POLA1: variants seen among roughly 807,000 people sequenced by gnomAD.
POLA1 encodes the protein DNA polymerase alpha catalytic subunit.
POLA1 carries 15 observed loss-of-function variants against 124.0 expected under a neutral mutation model. That is an observed-to-expected ratio of 0.12 (90% confidence interval 0.08 to 0.19). POLA1 has a LOEUF of 0.19. Ranked by LOEUF, POLA1 falls within the 10% of genes least tolerant of loss-of-function variation. The probability of loss-of-function intolerance (pLI) is 1.00; values close to 1 mark genes in which losing one functional copy is unlikely to be tolerated. For missense variants in POLA1, 886 were observed against 1,103.4 expected (o/e 0.80, Z 2.79); for synonymous variants, 408 against 389.4 (o/e 1.05, Z -0.56).
intron 18 of POLA1, 25 bp downstream of exon 18, chrX:24,735,513 T>TG: frequency 1.1e-6 from 1 of 889,547 alleles, no homozygotes; most frequent in Non-Finnish European, 1.7e-6. Context: ...GATCATGTTG[T>TG]GGGGAAGCTC....
chrX:24,888,909 G>A (rs1036309945), intron 35 of POLA1, among the ~76,000 whole-genome samples: 10 of 104,616 alleles, frequency 9.6e-5, no homozygotes, highest in African/African-American at 2.1e-4. Context: ...TAGCTCTGTC[G>A]CCCAGGCTGG....
At chrX:24,850,700 G>C (rs943329008) in intron 34 of POLA1, among the ~76,000 whole-genome samples, 22 of 111,475 alleles carry the variant, frequency 2.0e-4, no homozygotes, top group African/African-American at 6.5e-4. Context: ...TCTGAGCTTG[G>C]GCCGTAGTCT....
chrX:24,894,874 C>T (rs2047188098), intron 35 of POLA1, among the ~76,000 whole-genome samples: 2 of 108,566 alleles, frequency 1.8e-5, no homozygotes, highest in Admixed American at 2.0e-4. Flanking sequence ...GAAGCCTCGA[C>T]CTCCTGGGCT....
chrX:24,982,761 G>C (rs1439108414), intron 36 of POLA1, among the ~76,000 whole-genome samples: 2 of 109,443 alleles, frequency 1.8e-5, no homozygotes, highest in African/African-American at 6.7e-5. Context: ...CCCTCCACTG[G>C]CTTTGCTTGT....
intron 26 of POLA1, among the ~76,000 whole-genome samples, chrX:24,779,817 CA>C (rs1190121851): frequency 8.9e-6 from 1 of 112,144 alleles, no homozygotes; most frequent in African/African-American, 3.2e-5. Context: ...CACAAAGTCA[CA>C]CAACTAGTAA....
intron 11 of POLA1, 54 bp from the exon 12 acceptor site, chrX:24,724,281 C>A: frequency 1.7e-6 from 1 of 585,938 alleles, no homozygotes; most frequent in Non-Finnish European, 2.8e-6. Context: ...TTGAGAAGAT[C>A]ATTTATGTAC....
chrX:24,971,832 G>A (rs2048305673), intron 36 of POLA1, among the ~76,000 whole-genome samples: 1 of 111,343 alleles, frequency 9.0e-6, no homozygotes, highest in Admixed American at 9.5e-5. Flanking sequence ...TATCTCCCTG[G>A]GCTAAGTATT....
chrX:24,841,207 C>T (rs1056192479), intron 32 of POLA1, among the ~76,000 whole-genome samples: 2 of 112,144 alleles, frequency 1.8e-5, no homozygotes, highest in African/African-American at 6.5e-5. Context: ...AAGATGAAAT[C>T]GACTACTGCA....
chrX:24,859,898 G>T (rs932739262), intron 34 of POLA1, among the ~76,000 whole-genome samples: 2 of 112,693 alleles, frequency 1.8e-5, no homozygotes, highest in Non-Finnish European at 3.7e-5. Flanking sequence ...ATCTCTTGCT[G>T]TCTAAACTTC....
chrX:24,927,547 C>T (rs992051826), intron 35 of POLA1, among the ~76,000 whole-genome samples: 15 of 111,565 alleles, frequency 1.3e-4, no homozygotes, highest in African/African-American at 4.9e-4. Flanking sequence ...GAATGCAGAG[C>T]GTGATACATA....
At chrX:24,807,666 T>C (rs911531934) in intron 26 of POLA1, among the ~76,000 whole-genome samples, 2 of 111,711 alleles carry the variant, frequency 1.8e-5, no homozygotes, top group Non-Finnish European at 3.8e-5. Flanking sequence ...TGGTCTGACC[T>C]CCAGGAGCTT....
At chrX:24,956,168 A>G (rs1346039818) in intron 36 of POLA1, among the ~76,000 whole-genome samples, 2 of 109,204 alleles carry the variant, frequency 1.8e-5, no homozygotes, top group Non-Finnish European at 3.8e-5. Context: ...ATGCCTATCT[A>G]TAGTCTTTGC....
At chrX:24,810,298 C>T (rs1284105815) in intron 27 of POLA1, among the ~76,000 whole-genome samples, 1 of 111,518 alleles carries the variant, frequency 9.0e-6, no homozygotes, top group Non-Finnish European at 1.9e-5. Flanking sequence ...TGGATTTGTG[C>T]CCCTGAATTT....
chrX:24,995,475 C>T (rs997642767), intron 36 of POLA1, among the ~76,000 whole-genome samples: 8 of 111,789 alleles, frequency 7.2e-5, no homozygotes, highest in African/African-American at 1.6e-4. Flanking sequence ...TGCATGTGCT[C>T]GCAGCGCCGG....
intron 5 of POLA1, 90 bp from the exon 6 acceptor site, chrX:24,715,051 A>T (rs1440287612): frequency 4.9e-6 from 3 of 615,544 alleles, no homozygotes; most frequent in Non-Finnish European, 8.1e-6. Flanking sequence ...CTAACTGGCT[A>T]GGTCCTTCCT....
intron 26 of POLA1, among the ~76,000 whole-genome samples, chrX:24,777,104 G>C (rs1682046848): frequency 8.9e-6 from 1 of 112,226 alleles, no homozygotes; most frequent in African/African-American, 3.2e-5. Context: ...TTAAAAACCA[G>C]TACTGGTAAT....
chrX:24,947,449 T>G (rs1184819164), intron 36 of POLA1, among the ~76,000 whole-genome samples: 1 of 107,212 alleles, frequency 9.3e-6, no homozygotes, highest in Non-Finnish European at 1.9e-5. Context: ...TTGTATTTTT[T>G]TTTTAGAGAC....
chrX:24,919,814 T>G (rs865871450), intron 35 of POLA1, among the ~76,000 whole-genome samples: 2 of 96,082 alleles, frequency 2.1e-5, no homozygotes, highest in Non-Finnish European at 4.0e-5. Context: ...TTTTGTTTTT[T>G]TTTTTGTTTT....
At chrX:24,756,936 T>G (rs956356420) in intron 26 of POLA1, among the ~76,000 whole-genome samples, 5 of 111,591 alleles carry the variant, frequency 4.5e-5, no homozygotes, top group Non-Finnish European at 9.4e-5. Context: ...TGAGTTCTAA[T>G]TCTGTCTCCA....
Sources: gnomAD v4.1 joint callset for allele counts (sites outside exome capture counted in the v4.1 genomes callset) on GRCh38, gnomAD v4.1.1 for gene constraint, MANE v1.5 for transcripts, NCBI Gene and HGNC (gene_info 2026-07-23, HGNC 2026-07-21) for gene names.